The following STOX2 variants were observed in gnomAD, a reference collection of about 807,000 sequenced individuals.
The protein encoded by STOX2 is storkhead-box protein 2.
A neutral mutation model predicts 60.9 loss-of-function variants in STOX2; 28 were observed. That is an observed-to-expected ratio of 0.46 (90% confidence interval 0.34 to 0.63). STOX2 has a LOEUF of 0.63. Among genes scored for constraint, STOX2 ranks in the 30% least tolerant of loss-of-function variants. The pLI is 0.01. For synonymous variants in STOX2, 472 were observed against 463.9 expected, an observed-to-expected ratio of 1.02 and a Z score of -0.22; for missense variants, 1,024 against 1,187.7, an observed-to-expected ratio of 0.86 and a Z score of 2.03.
intron 1 of STOX2, chr4:183,853,376 T>C (rs1740212999): frequency 6.6e-6 from 1 of 152,200 alleles, no homozygotes; most frequent in Non-Finnish European, 1.5e-5. Context: ...GTTATCTTAC[T>C]TGCCCAGACA....
Position 183,880,653 on chromosome 4 carries a change from G to A in STOX2, c.364+82598G>A, listed in dbSNP as rs144297349. ...AGGTTAGAATTAACTTGGGGCCTTC[G>A]TCTGATAAAATGAGAGATGAAGAGA... On this transcript the variant is annotated intron_variant, in intron 1 of 2. Coordinates refer to the STOX2 transcript ENST00000513034. 2.5e-3 allele frequency among the ~76,000 whole-genome samples: 377 copies of A among 152,278 alleles called. 2 individuals carry two copies. The highest frequency in any genetic ancestry group is 8.5e-3 in the African/African-American group (354 of 41,560).
intron 1 of STOX2, among the ~76,000 whole-genome samples, chr4:183,926,842 G>A (rs1007861278): frequency 3.9e-5 from 6 of 152,186 alleles, no homozygotes; most frequent in Admixed American, 2.0e-4. Context: ...GGCTGGTCTC[G>A]AACTCCTGAC....
chr4:183,937,320 T>C (rs994169382), intron 1 of STOX2, among the ~76,000 whole-genome samples: 1 of 152,240 alleles, frequency 6.6e-6, no homozygotes, highest in Non-Finnish European at 1.5e-5. Flanking sequence ...GTTTCCTGTT[T>C]AGACACAGCT....
chr4:183,892,819 T>C lies in STOX2; in HGVS notation c.364+94764T>C, dbSNP rs1463853510. On this transcript the variant is annotated intron_variant, in intron 1 of 2. Coordinates refer to the STOX2 transcript ENST00000513034. ...GTTTAGGATATCACACGAGCAACTG[T>C]TACCTACCAATTAGTAGGTAACAGT... Among the ~76,000 whole-genome samples the C allele has an allele frequency of 1.8e-4, 5 of 27,496 alleles. No homozygotes were observed. The South Asian group carries it at 3.3e-3, about 18-fold the overall frequency. The allele number at this position is 27,496 out of a possible 152,430, so 18.0% of individuals were successfully genotyped here. A position where few individuals can be genotyped will look rare whatever the true frequency, so the allele number is the denominator to read the frequency against.
chr4:183,867,664 A>G (rs1236153721), intron 1 of STOX2, among the ~76,000 whole-genome samples: 2 of 152,216 alleles, frequency 1.3e-5, no homozygotes, highest in African/African-American at 4.8e-5. Flanking sequence ...AAGTCGGGGT[A>G]TATTTCCCTT....
Position 184,009,478 on chromosome 4 carries a change from C to T in STOX2, c.640C>T (p.Leu214=). The T allele has an allele frequency of 6.2e-7, 1 of 1,614,060 alleles. No individual in the cohort carries two copies. The highest frequency in any genetic ancestry group is 8.5e-7 in the Non-Finnish European group (1 of 1,179,906). Residue 214 remains leucine (L), a synonymous_variant, in exon 3 of 4, where the codon CTG becomes TTG. Coordinates refer to ENST00000308497, the MANE Select transcript of STOX2 (RefSeq NM_020225.3). The surrounding 1 kb of genome is among the most constrained non-coding windows in gnomAD (Gnocchi z 4.0). The stretch of plus-strand genomic sequence containing the variant: ...CGTGCACAGCACGCATGCACCCACC[C>T]TGCAAAGGAAGTCTGCCAAGGACTG... The part of the protein sequence containing the change: ...EDVHSTHAPT[L]QRKSAKDCKD...
At chr4:183,880,575 G>GA (rs996885762) in intron 1 of STOX2, among the ~76,000 whole-genome samples, 1 of 152,170 alleles carries the variant, frequency 6.6e-6, no homozygotes, top group African/African-American at 2.4e-5. Flanking sequence ...AACATGTCCA[G>GA]AAAAAGTATG....
At chr4:183,868,061 G>C (rs1271678972) in intron 1 of STOX2, among the ~76,000 whole-genome samples, 1 of 151,794 alleles carries the variant, frequency 6.6e-6, no homozygotes, top group Admixed American at 6.6e-5. Context: ...TCTGGGGCTT[G>C]ACCACTTGCT....
At chr4:183,940,592 A>G (rs1249200538) in intron 1 of STOX2, among the ~76,000 whole-genome samples, 1 of 152,148 alleles carries the variant, frequency 6.6e-6, no homozygotes, top group Non-Finnish European at 1.5e-5. Flanking sequence ...TTGTCATCAA[A>G]GGGAACACAG....
chr4:183,838,595 G>A (rs994692569), intron 1 of STOX2, among the ~76,000 whole-genome samples: 8 of 152,174 alleles, frequency 5.3e-5, no homozygotes, highest in South Asian at 2.1e-4. Context: ...ACAAATGGCC[G>A]ATTACTTTGT....
At chr4:183,802,587 A>C (rs182480650) in intron 1 of STOX2, among the ~76,000 whole-genome samples, 1 of 149,800 alleles carries the variant, frequency 6.7e-6, no homozygotes, top group Non-Finnish European at 1.5e-5. Flanking sequence ...CTATGTTGCC[A>C]AGGCTGGTTG....
intron 1 of STOX2, among the ~76,000 whole-genome samples, chr4:183,918,950 C>T (rs945614856): frequency 1.3e-5 from 2 of 152,192 alleles, no homozygotes; most frequent in South Asian, 2.1e-4. Context: ...CATCTACCCC[C>T]GAGTTTCCAT....
Position 184,011,570 on chromosome 4 carries a change from TC to T in STOX2, c.2585+148del. The T allele has an allele frequency of 6.5e-7, 1 of 1,545,124 alleles. No individual in the cohort carries two copies. Among genetic ancestry groups the T allele is most frequent in the East Asian group, 2.4e-5 (1 of 41,084 alleles). On this transcript the variant is annotated intron_variant, in intron 3 of 3. Transcript: ENST00000308497. This position sits in a 1 kb window ranked among gnomAD's most constrained non-coding sequence, Gnocchi z 4.4. The stretch of plus-strand genomic sequence containing the variant: ...TGAGTTGTATTGTTAACAATCTGTT[TC>T]TGACTTCTTTTTCAGGAATTGAAAA...
chr4:183,859,353 T>C (rs1046575725), intron 1 of STOX2, among the ~76,000 whole-genome samples: 1 of 152,116 alleles, frequency 6.6e-6, no homozygotes, highest in Non-Finnish European at 1.5e-5. Context: ...CAGGGCAAGA[T>C]CACGACGCTG....
Position 184,017,512 on chromosome 4 carries a change from T to C in STOX2, c.*228T>C. On this transcript the variant is annotated 3_prime_UTR_variant, in exon 4 of 4. Coordinates refer to ENST00000308497, the MANE Select transcript of STOX2 (RefSeq NM_020225.3). The stretch of plus-strand genomic sequence containing the variant: ...CAACTGAGTAACAGTAGGGGTGATA[T>C]GTATACTTTTGCTTCACTAATTGTA... The C allele has an allele frequency of 7.2e-6, 3 of 418,602 alleles. No individual in the cohort carries two copies. Among genetic ancestry groups the C allele is most frequent in the Admixed American group, 4.1e-5 (1 of 24,336 alleles). The allele number at this position is 418,602 out of a possible 1,614,324, so 25.9% of individuals were successfully genotyped here.
At chr4:183,868,177 G>A (rs2111160775) in intron 1 of STOX2, among the ~76,000 whole-genome samples, 1 of 152,002 alleles carries the variant, frequency 6.6e-6, no homozygotes, top group East Asian at 1.9e-4. Context: ...GCAGTTCAGT[G>A]GATCATAGAA....
At chr4:183,855,519 A>T (rs1379911315) in intron 1 of STOX2, among the ~76,000 whole-genome samples, 1 of 152,204 alleles carries the variant, frequency 6.6e-6, no homozygotes, top group Non-Finnish European at 1.5e-5. Flanking sequence ...ACTTATGACA[A>T]GGGTAACTTG....
At chr4:183,901,885 T>C (rs1336274715), upstream of STOX2, among the ~76,000 whole-genome samples, 1 of 152,242 alleles carries the variant, frequency 6.6e-6, no homozygotes, top group Non-Finnish European at 1.5e-5. Context: ...TTCTGTGGAT[T>C]GTCTTTTCTC....
chr4:183,927,508 C>CTT (rs577464785), intron 1 of STOX2, among the ~76,000 whole-genome samples: 3,608 of 144,450 alleles, frequency 0.025, 166 homozygotes, highest in African/African-American at 0.083. Flanking sequence ...CTTTTGGGGT[C>CTT]TTTTTTTTTT....
Sources: gnomAD v4.1 joint callset for allele counts (sites outside exome capture counted in the v4.1 genomes callset) on GRCh38, gnomAD v4.1.1 for gene constraint, Gnocchi (gnomAD v3.1) non-coding constraint, MANE v1.5 for transcripts, NCBI Gene and HGNC (gene_info 2026-07-23, HGNC 2026-07-21) for gene names.